FBXO45: variants seen among roughly 807,000 people sequenced by gnomAD.
FBXO45 encodes F-box/SPRY domain-containing protein 1.
A neutral mutation model predicts 25.5 loss-of-function variants in FBXO45; 3 were observed. The ratio of observed to expected loss-of-function variants is 0.12; its 90% CI spans 0.05 to 0.30. The LOEUF (loss-of-function observed/expected upper bound fraction) is 0.30. Ranked by LOEUF, FBXO45 falls within the 10% of genes least tolerant of loss-of-function variation. The probability of loss-of-function intolerance (pLI) is 1.00; values close to 1 mark genes in which losing one functional copy is unlikely to be tolerated. For synonymous variants in FBXO45, 155 were observed against 149.8 expected (o/e 1.03, Z -0.25); for missense variants, 219 against 365.0 (o/e 0.60, Z 3.26).
At chr3:196,577,394 T>G (rs1181760231) in intron 1 of FBXO45, 59 bp from the exon 2 acceptor site, 15 of 1,298,424 alleles carry the variant, frequency 1.2e-5, no homozygotes, top group Non-Finnish European at 1.6e-5. Flanking sequence ...TTTGGGTAAT[T>G]TTTAATATTT....
At chr3:196,578,494 A>G (rs1283057382) in intron 2 of FBXO45, among the ~76,000 whole-genome samples, 1 of 151,294 alleles carries the variant, frequency 6.6e-6, no homozygotes, top group African/African-American at 2.4e-5. Flanking sequence ...TTTGCAGTCC[A>G]TATGGTCTCT....
At chr3:196,578,174 T>C (rs1735950260) in intron 2 of FBXO45, among the ~76,000 whole-genome samples, 1 of 151,196 alleles carries the variant, frequency 6.6e-6, no homozygotes, top group Non-Finnish European at 1.5e-5. Context: ...GTAGTTGGGA[T>C]TACAGGCGCC....
intron 2 of FBXO45, among the ~76,000 whole-genome samples, chr3:196,579,809 C>T (rs1415430093): frequency 1.3e-5 from 2 of 152,136 alleles, no homozygotes; most frequent in African/African-American, 2.4e-5. Context: ...TATTTTGGAG[C>T]TCTGTTACTA....
chr3:196,575,574 A>G (rs1577596359), intron 1 of FBXO45, among the ~76,000 whole-genome samples: 1 of 152,024 alleles, frequency 6.6e-6, no homozygotes, highest in East Asian at 1.9e-4. Context: ...TAAATATTTT[A>G]TAGTGAATTA....
chr3:196,576,116 A>G (rs995977853), intron 1 of FBXO45, among the ~76,000 whole-genome samples: 1 of 152,210 alleles, frequency 6.6e-6, no homozygotes, highest in African/African-American at 2.4e-5. Context: ...TCTGTTTTTA[A>G]ATCTGCGCTC....
intron 1 of FBXO45, among the ~76,000 whole-genome samples, chr3:196,575,755 C>T: frequency 6.6e-6 from 1 of 151,098 alleles, no homozygotes; most frequent in South Asian, 2.1e-4. Context: ...TGGCTCACTG[C>T]ATCCTCTGCC....
chr3:196,582,279 G>T (rs1043876714), intron 2 of FBXO45, among the ~76,000 whole-genome samples: 16 of 152,174 alleles, frequency 1.1e-4, no homozygotes, highest in Non-Finnish European at 1.8e-4. Flanking sequence ...AGGATTAAAT[G>T]GGATAATACA....
rs560776480 is a variant in FBXO45 at position 196,587,432 on chromosome 3, T to C, written c.*3114T>C. On this transcript the variant is annotated 3_prime_UTR_variant, in exon 3 of 3. Transcript: ENST00000311630. ...CAAAAGAAAGTAAGATTTACCCAGT[T>C]AATATTTAAAATCATTGTTCAGTGA... The C allele has an allele frequency of 6.6e-6, 1 of 152,392 alleles. No homozygotes were observed. Among genetic ancestry groups the C allele is most frequent in the Non-Finnish European group, 1.5e-5 (1 of 68,038 alleles). 9.4% of individuals were successfully genotyped at this position (152,392 alleles called of 1,614,324 possible).
Position 196,572,199 on chromosome 3 carries a change from T to TA in FBXO45, c.318+2904dup, listed in dbSNP as rs1193226363. 8.5e-5 allele frequency among the ~76,000 whole-genome samples: 13 copies of TA among 152,234 alleles called. No individual in the cohort carries two copies. In the South Asian group the frequency reaches 2.5e-3, roughly 29 times the overall value. On this transcript the variant is annotated intron_variant, in intron 1 of 2. Transcript: ENST00000311630. Reference sequence around the variant, plus strand: ...GGTTTGTACAACATATATTTTTATTTAAAAAAATGAGTGCCAGGCACTATG... The same window carrying TA: ...GGTTTGTACAACATATATTTTTATTTAAAAAAAATGAGTGCCAGGCACTATG...
In FBXO45 at chr3:196,568,995, C is replaced by T; in HGVS notation, c.11C>T (p.Pro4Leu). The change falls in exon 1 of 3, where the codon CCG becomes CTG. Residue 4 changes from proline to leucine, a missense_variant. This residue lies in a region of FBXO45 where 138 missense variants were observed against 157.3 expected (regional missense o/e 0.88). Transcript: ENST00000311630. ...CCGGCTGGTGAGGCGATGGCGGCGCCGGCCCCGGGGGCTGGGGCAGCCTCG... is the reference window on the plus strand; with the variant it reads ...CCGGCTGGTGAGGCGATGGCGGCGCTGGCCCCGGGGGCTGGGGCAGCCTCG... MAA[P>L]APGAGAASGG... is the part of the protein sequence containing the mutation. 1.0e-6 allele frequency: 1 copy of T among 991,428 alleles called. No individual in the cohort carries two copies. 61.4% of individuals were successfully genotyped at this position (991,428 alleles called of 1,614,324 possible).
chr3:196,576,383 T>C (rs531287554), intron 1 of FBXO45, among the ~76,000 whole-genome samples: 2 of 152,260 alleles, frequency 1.3e-5, no homozygotes, highest in Admixed American at 1.3e-4. Flanking sequence ...GAAGGGATTT[T>C]TTAAAAACAT....
At chr3:196,582,970 C>T (rs923626277) in intron 2 of FBXO45, among the ~76,000 whole-genome samples, 1 of 152,008 alleles carries the variant, frequency 6.6e-6, no homozygotes, top group South Asian at 2.1e-4. Context: ...CTCTCTATAC[C>T]CAAAACTTTT....
At chr3:196,575,620 T>G (rs1735899301) in intron 1 of FBXO45, among the ~76,000 whole-genome samples, 1 of 152,004 alleles carries the variant, frequency 6.6e-6, no homozygotes, top group Non-Finnish European at 1.5e-5. Context: ...AGACAGTATT[T>G]GCTATTTTGG....
chr3:196,569,578 A>G lies in FBXO45; in HGVS notation c.318+276A>G, dbSNP rs77162463. Among the ~76,000 whole-genome samples, 2,666 of 152,248 alleles carry G rather than the reference A, an allele frequency of 0.018. 97 individuals are homozygous for G. Among genetic ancestry groups the G allele is most frequent in the African/African-American group, 0.061 (2,513 of 41,532 alleles). On this transcript the variant is annotated intron_variant, in intron 1 of 2. Transcript: ENST00000311630. This position sits in a 1 kb window ranked among gnomAD's most constrained non-coding sequence, Gnocchi z 4.1. The stretch of plus-strand genomic sequence containing the variant: ...CAACTTTTGACAGTTTTCCCCGTTA[A>G]AGACAGACCACCACTCTTGTACCTT...
intron 1 of FBXO45, among the ~76,000 whole-genome samples, chr3:196,570,856 C>A (rs1303809385): frequency 6.6e-6 from 1 of 151,906 alleles, no homozygotes; most frequent in Non-Finnish European, 1.5e-5. Context: ...GGATTACAGG[C>A]GCCCGCCACC....
chr3:196,578,046 C>CTTTTTTTTTTTTG lies in FBXO45; in HGVS notation c.675+249_675+250insGTTTTTTTTTTTT, dbSNP rs1553874566. Among the ~76,000 whole-genome samples, 71 of 94,054 alleles carry CTTTTTTTTTTTTG rather than the reference C, an allele frequency of 7.5e-4. 5 individuals are homozygous for CTTTTTTTTTTTTG. The highest frequency in any genetic ancestry group is 2.5e-3 in the African/African-American group (53 of 21,578). 61.7% of individuals were successfully genotyped at this position (94,054 alleles called of 152,430 possible). On this transcript the variant is annotated intron_variant, in intron 2 of 2. Transcript: ENST00000311630. ...GATTTTGGCTATGCAGAAAAATATT[C>CTTTTTTTTTTTTG]TTTTTTTTTTTTTAGACAGAATCTC...
chr3:196,582,217 G>A (rs371699712), intron 2 of FBXO45, among the ~76,000 whole-genome samples: 1 of 152,200 alleles, frequency 6.6e-6, no homozygotes, highest in Admixed American at 6.5e-5. Context: ...AGGAGTAATC[G>A]TTACTTAGTT....
rs1311555628 is a variant in FBXO45 at position 196,588,371 on chromosome 3, G to C, written c.*4053G>C. 1 of 152,124 alleles carries C rather than the reference G, an allele frequency of 6.6e-6. No homozygotes were observed. The highest frequency in any genetic ancestry group is 1.5e-5 in the Non-Finnish European group (1 of 68,034). The allele number at this position is 152,124 out of a possible 1,614,324, so 9.4% of individuals were successfully genotyped here. ...CACCGTGCCAGGCCAGAAATTTAAG[G>C]AGTTTTAAAGGTTAGCATTGAAAAG... is the stretch of plus-strand genomic sequence containing the variant. On this transcript the variant is annotated 3_prime_UTR_variant, in exon 3 of 3. Transcript: ENST00000311630. The surrounding 1 kb of genome is among the most constrained non-coding windows in gnomAD (Gnocchi z 4.2).
chr3:196,583,088 TTATA>T (rs377518527), intron 2 of FBXO45, among the ~76,000 whole-genome samples: 242 of 152,294 alleles, frequency 1.6e-3, no homozygotes, highest in African/African-American at 5.7e-3. Flanking sequence ...TCTAGATACT[TTATA>T]TAGGTGGAAT....
Sources: allele counts gnomAD v4.1 joint callset (sites outside exome capture counted in the v4.1 genomes callset), GRCh38; gene constraint gnomAD v4.1.1; regional missense constraint gnomAD v4.1.1; non-coding constraint Gnocchi (gnomAD v3.1); transcripts MANE v1.5; gene names NCBI Gene and HGNC (gene_info 2026-07-23, HGNC 2026-07-21).